The following MACROD2 variants were observed in gnomAD, a reference collection of about 807,000 sequenced individuals.
The protein encoded by MACROD2 is mono-ADP ribosylhydrolase 2.
In MACROD2, 36 loss-of-function variants were observed where a neutral mutation model predicts 70.4. The ratio of observed to expected loss-of-function variants is 0.51; its 90% CI spans 0.39 to 0.68. The LOEUF is 0.68. MACROD2 is among the 30% of genes least tolerant of loss of function. The pLI is 0.00. For missense variants in MACROD2, 496 were observed against 538.4 expected (o/e 0.92, Z 0.78); for synonymous variants, 172 against 178.8 (o/e 0.96, Z 0.30).
At position 15,338,076 on chromosome 20, in the gene MACROD2, A is replaced by T. The variant is rs538309891; in HGVS notation, c.541-93329A>T. Among the ~76,000 whole-genome samples the T allele has an allele frequency of 4.5e-4, 69 of 151,668 alleles. 1 individual carries two copies. The highest frequency in any genetic ancestry group is 3.2e-4 in the Non-Finnish European group (22 of 68,016). ...CATTTTTATTTATTTATTTATTAAC[A>T]GTACCCTCTCTTTTTCAGGTGAGCT... On this transcript the variant is annotated intron_variant, in intron 6 of 17. Transcript: ENST00000684519.
chr20:14,097,899 T>A (rs975502001), intron 3 of MACROD2, among the ~76,000 whole-genome samples: 2 of 152,212 alleles, frequency 1.3e-5, no homozygotes, highest in African/African-American at 4.8e-5. Context: ...TGTTAAACTG[T>A]CAGGAAGCAA....
chr20:14,862,632 T>TATATATATATAA (rs2073376633), intron 5 of MACROD2, among the ~76,000 whole-genome samples: 1 of 7,262 alleles, frequency 1.4e-4, no homozygotes, highest in South Asian at 6.1e-3. Flanking sequence ...TATATATAAA[T>TATATATATATAA]ATATATATAA....
At chr20:14,013,699 A>C (rs1208198485) in intron 2 of MACROD2, among the ~76,000 whole-genome samples, 1 of 16,814 alleles carries the variant, frequency 5.9e-5, no homozygotes. Context: ...TTTTTTTTTG[A>C]GACGGAGTTT....
At chr20:14,693,819 T>A (rs920747497) in intron 5 of MACROD2, among the ~76,000 whole-genome samples, 9 of 152,170 alleles carry the variant, frequency 5.9e-5, no homozygotes, top group Admixed American at 5.9e-4. Context: ...TCTAGGAGTG[T>A]GAAGATCTCA....
chr20:14,338,930 G>A (rs1002777024), intron 3 of MACROD2, among the ~76,000 whole-genome samples: 1 of 152,176 alleles, frequency 6.6e-6, no homozygotes, highest in Non-Finnish European at 1.5e-5. Context: ...TAAGAACTTA[G>A]CTTTTATATT....
chr20:15,392,101 T>C (rs1432598346), intron 6 of MACROD2, among the ~76,000 whole-genome samples: 1 of 151,850 alleles, frequency 6.6e-6, no homozygotes, highest in African/African-American at 2.4e-5. Context: ...TTAATTTTAC[T>C]ATTTGGTAAA....
At chr20:15,932,158 G>C (rs1214812795) in intron 10 of MACROD2, among the ~76,000 whole-genome samples, 1 of 152,166 alleles carries the variant, frequency 6.6e-6, no homozygotes, top group Non-Finnish European at 1.5e-5. Flanking sequence ...AAAGGTTCAA[G>C]AAGGCTTGGC....
At chr20:14,284,980 A>G (rs992269066) in intron 3 of MACROD2, among the ~76,000 whole-genome samples, 6 of 152,212 alleles carry the variant, frequency 3.9e-5, no homozygotes, top group South Asian at 4.1e-4. Context: ...GAAAAATGTA[A>G]ATTCTTAGAA....
chr20:15,917,897 T>A (rs2065343385), intron 10 of MACROD2, among the ~76,000 whole-genome samples: 1 of 151,580 alleles, frequency 6.6e-6, no homozygotes, highest in South Asian at 2.1e-4. Context: ...AAGCTGTTCA[T>A]CATATTAATG....
At chr20:15,439,227 A>C (rs6074893) in intron 7 of MACROD2, among the ~76,000 whole-genome samples, 28,153 of 152,134 alleles carry the variant, frequency 0.19, 2,991 homozygotes, top group Non-Finnish European at 0.25. Flanking sequence ...GACCCAGCCC[A>C]TCTCTCCAGT....
At chr20:14,341,788 T>C (rs553261907) in intron 3 of MACROD2, among the ~76,000 whole-genome samples, 1 of 152,348 alleles carries the variant, frequency 6.6e-6, no homozygotes, top group East Asian at 1.9e-4. Context: ...TTCATGTAAC[T>C]GAGAAGTTAA....
chr20:14,770,306 C>A (rs1049002250), intron 5 of MACROD2, among the ~76,000 whole-genome samples: 1 of 151,670 alleles, frequency 6.6e-6, no homozygotes, highest in African/African-American at 2.4e-5. Flanking sequence ...GGATGATAGA[C>A]CCATCTTCAA....
At chr20:14,573,642 G>A (rs1420395301) in intron 4 of MACROD2, among the ~76,000 whole-genome samples, 4 of 151,776 alleles carry the variant, frequency 2.6e-5, no homozygotes, top group African/African-American at 9.7e-5. Context: ...CTTCTAGGAT[G>A]ATAGAATCCT....
chr20:14,425,400 T>C (rs1352230010), intron 3 of MACROD2, among the ~76,000 whole-genome samples: 1 of 152,216 alleles, frequency 6.6e-6, no homozygotes, highest in Non-Finnish European at 1.5e-5. Flanking sequence ...ATGATATAGC[T>C]CTGTTCAGTG....
chr20:15,769,363 T>C (rs1294310788), intron 8 of MACROD2, among the ~76,000 whole-genome samples: 1 of 152,134 alleles, frequency 6.6e-6, no homozygotes, highest in Non-Finnish European at 1.5e-5. Context: ...GTCAGGCTGG[T>C]CTCGAACTCC....
At chr20:14,176,016 A>G (rs1402594120) in intron 3 of MACROD2, among the ~76,000 whole-genome samples, 1 of 152,256 alleles carries the variant, frequency 6.6e-6, no homozygotes, top group Non-Finnish European at 1.5e-5. Flanking sequence ...GTTCAGCATT[A>G]GTAGGGAATC....
At chr20:14,283,128 G>T (rs754628432) in intron 3 of MACROD2, among the ~76,000 whole-genome samples, 30 of 152,138 alleles carry the variant, frequency 2.0e-4, no homozygotes, top group Non-Finnish European at 4.0e-4. Context: ...CATTTTGAAT[G>T]CCATAGGCAT....
intron 5 of MACROD2, among the ~76,000 whole-genome samples, chr20:15,222,137 AG>A (rs1255822773): frequency 6.6e-6 from 1 of 152,210 alleles, no homozygotes; most frequent in Non-Finnish European, 1.5e-5. Context: ...TCATGCAAAA[AG>A]TTGAATGACT....
chr20:15,919,683 T>G (rs1426177677), intron 10 of MACROD2, among the ~76,000 whole-genome samples: 1 of 151,948 alleles, frequency 6.6e-6, no homozygotes, highest in East Asian at 1.9e-4. Flanking sequence ...TGCAGTGAGC[T>G]GAGATCGCGC....
Sources: gnomAD v4.1 joint callset for allele counts (sites outside exome capture counted in the v4.1 genomes callset) on GRCh38, gnomAD v4.1.1 for gene constraint, MANE v1.5 for transcripts, NCBI Gene and HGNC (gene_info 2026-07-23, HGNC 2026-07-21) for gene names.